The following FRMD4A variants were observed in gnomAD, a reference collection of about 807,000 sequenced individuals.
FRMD4A encodes the protein FERM domain-containing protein 4A.
In FRMD4A, 29 loss-of-function variants were observed where a neutral mutation model predicts 129.1. The ratio of observed to expected loss-of-function variants is 0.22; its 90% CI spans 0.17 to 0.31. The LOEUF (loss-of-function observed/expected upper bound fraction) is 0.31, where lower values mean the gene tolerates loss of function less well. Among genes scored for constraint, FRMD4A ranks in the 10% least tolerant of loss-of-function variants. FRMD4A has a pLI of 1.00. For missense variants in FRMD4A, 1,272 were observed against 1,375.8 expected (o/e 0.92, Z 1.19); for synonymous variants, 634 against 571.6 (o/e 1.11, Z -1.56).
chr10:13,679,474 T>TATATATACACACACACACACAC (rs1308155926), intron 15 of FRMD4A, among the ~76,000 whole-genome samples: 24 of 31,482 alleles, frequency 7.6e-4, no homozygotes, highest in Non-Finnish European at 1.0e-3. Context: ...TATATATATA[T>TATATATACACACACACACACAC]ACACACACAC....
At chr10:14,163,634 T>C (rs1189389019) in intron 2 of FRMD4A, among the ~76,000 whole-genome samples, 1 of 152,214 alleles carries the variant, frequency 6.6e-6, no homozygotes, top group Non-Finnish European at 1.5e-5. Flanking sequence ...TAAATCCTTG[T>C]TGGATGAATA....
intron 3 of FRMD4A, among the ~76,000 whole-genome samples, chr10:13,817,623 C>A (rs150600403): frequency 6.6e-6 from 1 of 152,228 alleles, no homozygotes; most frequent in Non-Finnish European, 1.5e-5. Context: ...CAAGATCTGA[C>A]GGTTTTATAA....
intron 2 of FRMD4A, among the ~76,000 whole-genome samples, chr10:14,269,327 C>T (rs7088164): frequency 0.09 from 13,732 of 152,152 alleles, 907 homozygotes; most frequent in African/African-American, 0.18. Flanking sequence ...GTAAAAAATT[C>T]GTACGAGTTT....
intron 15 of FRMD4A, among the ~76,000 whole-genome samples, chr10:13,687,992 C>T (rs541437348): frequency 1.8e-4 from 28 of 152,282 alleles, no homozygotes; most frequent in South Asian, 4.1e-4. Flanking sequence ...GACAGCTCTG[C>T]GTATCACTAC....
intron 2 of FRMD4A, among the ~76,000 whole-genome samples, chr10:14,137,632 T>G (rs1839607679): frequency 6.6e-6 from 1 of 152,186 alleles, no homozygotes; most frequent in African/African-American, 2.4e-5. Flanking sequence ...AACCTGTTCT[T>G]GGTGAATGTA....
chr10:13,960,177 C>A (rs1414127071), intron 2 of FRMD4A, among the ~76,000 whole-genome samples: 1 of 152,180 alleles, frequency 6.6e-6, no homozygotes, highest in Non-Finnish European at 1.5e-5. Context: ...CAATTGCCTG[C>A]CTGGAATCTT....
chr10:14,329,030 C>A (rs1467360020), intron 2 of FRMD4A, among the ~76,000 whole-genome samples: 1 of 152,188 alleles, frequency 6.6e-6, no homozygotes, highest in African/African-American at 2.4e-5. Flanking sequence ...ACCAAGATAT[C>A]TGTTCCTTTT....
At chr10:14,125,647 T>C (rs1838789910) in intron 2 of FRMD4A, among the ~76,000 whole-genome samples, 1 of 152,156 alleles carries the variant, frequency 6.6e-6, no homozygotes, top group African/African-American at 2.4e-5. Context: ...ATCCTGCAAA[T>C]GTGTATCTAC....
At chr10:13,674,762 A>C in intron 16 of FRMD4A, 149 bp downstream of exon 16, 1 of 814,812 alleles carries the variant, frequency 1.2e-6, no homozygotes, top group Non-Finnish European at 2.0e-6. Context: ...CCGCCCAGAT[A>C]GGCCCTCTTT....
In FRMD4A at chr10:13,643,795, ATAAATT is replaced by A. The variant is rs1000842743; in HGVS notation, c.*3237_*3242del. The A allele has an allele frequency of 5.2e-5, 8 of 152,698 alleles. No homozygotes were observed. The highest frequency in any genetic ancestry group is 1.7e-4 in the African/African-American group (7 of 41,482). The allele number at this position is 152,698 out of a possible 1,614,324, so 9.5% of individuals were successfully genotyped here. ...TATACAAATTCTTAATACAAAAAGA[ATAAATT>A]AAAAGCAGATTTCTTTTTTTAATTC... On this transcript the variant is annotated 3_prime_UTR_variant, in exon 25 of 25. Transcript: ENST00000357447.
At chr10:13,783,735 C>T (rs922690600) in intron 5 of FRMD4A, among the ~76,000 whole-genome samples, 3 of 152,078 alleles carry the variant, frequency 2.0e-5, no homozygotes, top group Admixed American at 6.6e-5. Flanking sequence ...CTACTACTCC[C>T]GAAGGTGGTG....
At chr10:13,776,046 T>C (rs942816067) in intron 6 of FRMD4A, among the ~76,000 whole-genome samples, 2 of 152,208 alleles carry the variant, frequency 1.3e-5, no homozygotes, top group African/African-American at 2.4e-5. Flanking sequence ...GCTATCACCA[T>C]ACTAAGAAAA....
At chr10:13,939,708 C>G (rs2095276312) in intron 2 of FRMD4A, among the ~76,000 whole-genome samples, 1 of 152,146 alleles carries the variant, frequency 6.6e-6, no homozygotes, top group Admixed American at 6.5e-5. Flanking sequence ...CAAGAATAAT[C>G]AGTACTGCAC....
At chr10:14,279,038 C>T (rs1430087548) in intron 2 of FRMD4A, among the ~76,000 whole-genome samples, 2 of 152,180 alleles carry the variant, frequency 1.3e-5, no homozygotes, top group East Asian at 3.9e-4. Context: ...AGTGTTGGGG[C>T]CGTTTCAGGG....
Position 13,701,412 on chromosome 10 carries a change from C to G in FRMD4A, c.903G>C (p.Pro301=), listed in dbSNP as rs200042373. The G allele has an allele frequency of 1.2e-6, 2 of 1,613,698 alleles. No homozygotes were observed. Among genetic ancestry groups the G allele is most frequent in the African/African-American group, 2.7e-5 (2 of 74,908 alleles). ...GIAVHTWYAC[P]ALIKSIWAMA... ...TAGCCCAGATGGACTTGATCAATGC[C>G]GGACATGCATACCACGTGTGCACTG... Residue 301 remains proline, a synonymous_variant, in exon 14 of 25, where the codon CCG becomes CCC. Transcript: ENST00000357447.
At chr10:14,281,431 T>C (rs1394666739) in intron 2 of FRMD4A, among the ~76,000 whole-genome samples, 1 of 152,232 alleles carries the variant, frequency 6.6e-6, no homozygotes, top group East Asian at 1.9e-4. Context: ...GATCAAGGCC[T>C]TGGAAGAAAC....
At chr10:13,837,165 C>T (rs7908696) in intron 3 of FRMD4A, among the ~76,000 whole-genome samples, 124,105 of 152,174 alleles carry the variant, frequency 0.82, 50,798 homozygotes, top group East Asian at 0.96. Flanking sequence ...CTCTCCAGCA[C>T]ATTTTTGGAA....
chr10:14,089,017 GC>G (rs1468913441), intron 2 of FRMD4A, among the ~76,000 whole-genome samples: 1 of 152,090 alleles, frequency 6.6e-6, no homozygotes, highest in African/African-American at 2.4e-5. Flanking sequence ...CCCAGAAGGG[GC>G]GAAGATAAGC....
intron 14 of FRMD4A, among the ~76,000 whole-genome samples, chr10:13,698,112 G>T (rs1005216592): frequency 1.1e-4 from 16 of 152,030 alleles, no homozygotes; most frequent in African/African-American, 3.1e-4. Context: ...GAGACAGGCA[G>T]AGAGAAAGAA....
Sources: gnomAD v4.1 joint callset for allele counts (sites outside exome capture counted in the v4.1 genomes callset) on GRCh38, gnomAD v4.1.1 for gene constraint, MANE v1.5 for transcripts, NCBI Gene and HGNC (gene_info 2026-07-23, HGNC 2026-07-21) for gene names.